The following GABRB2 variants were observed in gnomAD, a reference collection of about 807,000 sequenced individuals.
GABRB2 encodes the protein gamma-aminobutyric acid receptor subunit beta-2.
In GABRB2, 16 loss-of-function variants were observed where a neutral mutation model predicts 54.7. The ratio of observed to expected loss-of-function variants is 0.29; its 90% CI spans 0.20 to 0.44. The LOEUF (loss-of-function observed/expected upper bound fraction) is 0.44. Ranked by LOEUF, GABRB2 falls within the 20% of genes least tolerant of loss-of-function variation. GABRB2 has a pLI of 1.00. For synonymous variants in GABRB2, 244 were observed against 233.8 expected (o/e 1.04, Z -0.40); for missense variants, 355 against 644.0 (o/e 0.55, Z 4.86).
chr5:161,525,115 T>C (rs368970417), intron 3 of GABRB2, among the ~76,000 whole-genome samples: 1 of 151,306 alleles, frequency 6.6e-6, no homozygotes, highest in Non-Finnish European at 1.5e-5. Flanking sequence ...TACTCAATTC[T>C]GTGTTGGGAG....
chr5:161,521,265 C>T (rs1271961036), intron 3 of GABRB2, among the ~76,000 whole-genome samples: 1 of 151,912 alleles, frequency 6.6e-6, no homozygotes, highest in Non-Finnish European at 1.5e-5. Context: ...AAACCTCCAC[C>T]ACTCTTTATT....
At chr5:161,408,254 T>C (rs773991754) in intron 5 of GABRB2, among the ~76,000 whole-genome samples, 6 of 152,070 alleles carry the variant, frequency 3.9e-5, no homozygotes, top group Non-Finnish European at 8.8e-5. Flanking sequence ...CTGCTAAGTA[T>C]GGTAATATAC....
chr5:161,545,152 A>G, intron 3 of GABRB2, 75 bp downstream of exon 3: 1 of 1,029,350 alleles, frequency 9.7e-7, no homozygotes, highest in Non-Finnish European at 1.4e-6. Context: ...CCCCACCCCC[A>G]ATAGCTGGCT....
At chr5:161,531,245 A>G (rs1319677575) in intron 3 of GABRB2, among the ~76,000 whole-genome samples, 1 of 152,192 alleles carries the variant, frequency 6.6e-6, no homozygotes, top group Non-Finnish European at 1.5e-5. Flanking sequence ...ATTCTTTAAA[A>G]TAATTCACAA....
intron 5 of GABRB2, among the ~76,000 whole-genome samples, chr5:161,365,336 C>T (rs1163306025): frequency 6.6e-6 from 1 of 152,134 alleles, no homozygotes. Context: ...TCTTGAATAA[C>T]TTTAAAGCAA....
In GABRB2 at chr5:161,483,699, T is replaced by A. The variant is rs190121937; in HGVS notation, c.238-23855A>T. Among the ~76,000 whole-genome samples the A allele has an allele frequency of 7.7e-3, 1,178 of 152,048 alleles. 20 individuals are homozygous for A. The highest frequency in any genetic ancestry group is 0.017 in the Middle Eastern group (5 of 294). The stretch of plus-strand genomic sequence containing the variant: ...ACACATTGTAACAGAAAGAGAGAAA[T>A]CATTGCTAGTTTAAAATACAGCATA... On this transcript the variant is annotated intron_variant, in intron 3 of 9. Coordinates refer to ENST00000393959, the MANE Select transcript of GABRB2 (RefSeq NM_001371727.1).
chr5:161,324,913 A>G (rs1758319653), intron 9 of GABRB2, among the ~76,000 whole-genome samples: 1 of 152,098 alleles, frequency 6.6e-6, no homozygotes, highest in African/African-American at 2.4e-5. Flanking sequence ...ATTAGTGTTC[A>G]AATCATGGGA....
chr5:161,509,766 T>C (rs534091016), intron 3 of GABRB2, among the ~76,000 whole-genome samples: 4 of 152,032 alleles, frequency 2.6e-5, no homozygotes, highest in African/African-American at 9.6e-5. Flanking sequence ...ATTGCGTGAA[T>C]AGGAATCCTT....
chr5:161,463,965 G>A (rs1356070753), intron 3 of GABRB2, among the ~76,000 whole-genome samples: 5 of 151,724 alleles, frequency 3.3e-5, no homozygotes, highest in Admixed American at 6.6e-5. Flanking sequence ...ATATGTCATC[G>A]ACTTAAGTGT....
At chr5:161,481,053 A>T (rs114326147) in intron 3 of GABRB2, among the ~76,000 whole-genome samples, 116 of 152,192 alleles carry the variant, frequency 7.6e-4, no homozygotes, top group African/African-American at 2.8e-3. Context: ...ATAAATCTAC[A>T]TCTATTCAAA....
chr5:161,483,732 T>C (rs550113260), intron 3 of GABRB2, among the ~76,000 whole-genome samples: 7 of 152,072 alleles, frequency 4.6e-5, no homozygotes, highest in Admixed American at 3.3e-4. Flanking sequence ...ATAAAATAAA[T>C]ATATTTATGG....
chr5:161,463,026 G>A (rs1758158806), intron 3 of GABRB2, among the ~76,000 whole-genome samples: 1 of 151,928 alleles, frequency 6.6e-6, no homozygotes, highest in Non-Finnish European at 1.5e-5. Flanking sequence ...ACTTCTGGGT[G>A]CTCCTTGATC....
chr5:161,455,798 G>T (rs1337494192), intron 4 of GABRB2, among the ~76,000 whole-genome samples: 1 of 152,088 alleles, frequency 6.6e-6, no homozygotes, highest in Non-Finnish European at 1.5e-5. Flanking sequence ...CTCCCAAAGT[G>T]CTGAGATTAC....
At chr5:161,402,120 T>C (rs1756215341) in intron 5 of GABRB2, among the ~76,000 whole-genome samples, 1 of 151,774 alleles carries the variant, frequency 6.6e-6, no homozygotes, top group African/African-American at 2.4e-5. Flanking sequence ...TATAAAATCA[T>C]GGTTGTATTT....
intron 3 of GABRB2, among the ~76,000 whole-genome samples, chr5:161,536,683 G>A (rs1317785366): frequency 2.0e-5 from 3 of 151,950 alleles, no homozygotes; most frequent in Non-Finnish European, 4.4e-5. Flanking sequence ...TACAACCTCC[G>A]CCTCCCAGGT....
In GABRB2 at chr5:161,292,293, G is replaced by A. The variant is rs1247701291; in HGVS notation, c.*1788C>T. 6.6e-6 allele frequency: 1 copy of A among 151,928 alleles called. No homozygotes were observed. Among genetic ancestry groups the A allele is most frequent in the Non-Finnish European group, 1.5e-5 (1 of 67,986 alleles). 9.4% of individuals were successfully genotyped at this position (151,928 alleles called of 1,614,324 possible). A position where few individuals can be genotyped will look rare whatever the true frequency, so the allele number is the denominator to read the frequency against. On this transcript the variant is annotated 3_prime_UTR_variant, in exon 10 of 10. Coordinates refer to ENST00000393959, the MANE Select transcript of GABRB2 (RefSeq NM_001371727.1). The stretch of plus-strand genomic sequence containing the variant: ...GATACTGGCTGCTATGCACAATTAG[G>A]GATATTACTCTAAAAAGAAGAGCTT...
intron 3 of GABRB2, among the ~76,000 whole-genome samples, chr5:161,496,799 A>T (rs2113367057): frequency 6.6e-6 from 1 of 152,154 alleles, no homozygotes; most frequent in African/African-American, 2.4e-5. Flanking sequence ...TCTTTGTAAC[A>T]TTTTTTTCAA....
At chr5:161,344,468 GT>G (rs1244358176) in intron 5 of GABRB2, among the ~76,000 whole-genome samples, 1 of 151,820 alleles carries the variant, frequency 6.6e-6, no homozygotes, top group Non-Finnish European at 1.5e-5. Context: ...ACCTTTTAGG[GT>G]TTCCGCCTTC....
rs143071736 is a variant in GABRB2 at position 161,399,395 on chromosome 5, C to T, written c.541+11580G>A. ...AGACTCCGCCAGTCAGATGTACTTA[C>T]GGGGGACTTGAATTCAGGACTGGGT... is the stretch of plus-strand genomic sequence containing the variant. On this transcript the variant is annotated intron_variant, in intron 5 of 9. Transcript: ENST00000393959. Among the ~76,000 whole-genome samples the T allele has an allele frequency of 5.5e-4, 84 of 152,152 alleles. 1 individual carries two copies. Among genetic ancestry groups the T allele is most frequent in the East Asian group, 2.9e-3 (15 of 5,148 alleles).
Sources: gnomAD v4.1 joint callset for allele counts (sites outside exome capture counted in the v4.1 genomes callset) on GRCh38, gnomAD v4.1.1 for gene constraint, MANE v1.5 for transcripts, NCBI Gene and HGNC (gene_info 2026-07-23, HGNC 2026-07-21) for gene names.